The following LMNTD1 variants were observed in gnomAD, a reference collection of about 807,000 sequenced individuals.
The protein encoded by LMNTD1 is lamin tail domain containing 1.
Under a neutral mutation model 50.9 loss-of-function variants are expected in LMNTD1, and 35 were observed. The ratio of observed to expected loss-of-function variants is 0.69; its 90% CI spans 0.53 to 0.91. The LOEUF (loss-of-function observed/expected upper bound fraction) is 0.91. LMNTD1 is among the 40% of genes least tolerant of loss of function. The probability of loss-of-function intolerance (pLI) is 0.00; values close to 1 mark genes in which losing one functional copy is unlikely to be tolerated. For synonymous variants in LMNTD1, 153 were observed against 161.9 expected (o/e 0.94, Z 0.42); for missense variants, 470 against 475.5 (o/e 0.99, Z 0.11).
At chr12:25,596,405 A>G (rs1256385050) in intron 1 of LMNTD1, among the ~76,000 whole-genome samples, 4 of 152,112 alleles carry the variant, frequency 2.6e-5, no homozygotes, top group African/African-American at 7.2e-5. Flanking sequence ...TACCAGGGAT[A>G]CAGGGATGAT....
rs539030376 is a variant in LMNTD1 at position 25,483,628 on chromosome 12, C to T, written c.*23-7168G>A. On this transcript the variant is annotated intron_variant, in intron 9 of 9. Coordinates refer to ENST00000458174, the MANE Select transcript of LMNTD1 (RefSeq NM_001145728.2). ...CTCTACTAAAAATACAAAAATTAGC[C>T]GGTCATGGTGGCGCTTGCCTGTAGT... Among the ~76,000 whole-genome samples the T allele has an allele frequency of 1.6e-4, 24 of 151,580 alleles. 2 individuals are homozygous for T. The highest frequency in any genetic ancestry group is 4.4e-4 in the African/African-American group (18 of 41,120).
chr12:25,541,922 G>C (rs1332717118), intron 4 of LMNTD1, among the ~76,000 whole-genome samples: 8 of 151,912 alleles, frequency 5.3e-5, no homozygotes. Context: ...GACATGAACA[G>C]ACACTTCTCA....
intron 1 of LMNTD1, among the ~76,000 whole-genome samples, chr12:25,635,511 C>T (rs1305423986): frequency 6.6e-6 from 1 of 152,094 alleles, no homozygotes; most frequent in South Asian, 2.1e-4. Flanking sequence ...GGAAACACTC[C>T]CATGCTCATG....
chr12:25,586,557 A>G (rs537732865), intron 1 of LMNTD1, among the ~76,000 whole-genome samples: 1 of 152,148 alleles, frequency 6.6e-6, no homozygotes. Flanking sequence ...GTGCTGACCA[A>G]CGGGAGGTAG....
chr12:25,573,613 G>A (rs868536273), intron 1 of LMNTD1, among the ~76,000 whole-genome samples: 1 of 152,084 alleles, frequency 6.6e-6, no homozygotes, highest in African/African-American at 2.4e-5. Context: ...GCCCAGGTCC[G>A]TGATGCCTAT....
intron 6 of LMNTD1, 152 bp downstream of exon 6, chr12:25,525,947 C>T (rs1678545): frequency 0.68 from 308,215 of 455,396 alleles, 106,052 homozygotes; most frequent in East Asian, 0.73. Flanking sequence ...AAGAACCTGA[C>T]AATAAAATAA....
chr12:25,549,853 C>T (rs1943652785), intron 2 of LMNTD1, among the ~76,000 whole-genome samples: 1 of 152,080 alleles, frequency 6.6e-6, no homozygotes. Flanking sequence ...AGACATTTTA[C>T]CATCTCCTTC....
chr12:25,544,120 C>A (rs1423211959), intron 4 of LMNTD1, among the ~76,000 whole-genome samples: 2 of 151,820 alleles, frequency 1.3e-5, no homozygotes, highest in African/African-American at 4.8e-5. Context: ...TCTGATGTTT[C>A]TTCGTGATTT....
Position 25,487,922 on chromosome 12 carries a change from G to T in LMNTD1, c.*23-11462C>A, listed in dbSNP as rs1188034482. Among the ~76,000 whole-genome samples, 1,124 of 135,416 alleles carry T rather than the reference G, an allele frequency of 8.3e-3. 9 individuals carry two copies. Among genetic ancestry groups the T allele is most frequent in the African/African-American group, 0.029 (1,053 of 36,012 alleles). 88.8% of individuals were successfully genotyped at this position (135,416 alleles called of 152,430 possible). On this transcript the variant is annotated intron_variant, in intron 9 of 9. Coordinates refer to ENST00000458174, the MANE Select transcript of LMNTD1 (RefSeq NM_001145728.2). The stretch of plus-strand genomic sequence containing the variant: ...AGTTTGGCTGGATATGAAATTCTGG[G>T]TTGAAAATTCTTTTCTTTAAGAATG...
chr12:25,476,722 G>A (rs1186870897), intron 9 of LMNTD1, among the ~76,000 whole-genome samples: 2 of 152,120 alleles, frequency 1.3e-5, no homozygotes, highest in African/African-American at 2.4e-5. Context: ...CCCCAGTTTT[G>A]ACCTTGACTT....
At chr12:25,600,922 A>C (rs887352126) in intron 1 of LMNTD1, among the ~76,000 whole-genome samples, 2 of 152,138 alleles carry the variant, frequency 1.3e-5, no homozygotes, top group Non-Finnish European at 2.9e-5. Context: ...TAGACCTACC[A>C]TATGACCTAG....
intron 1 of LMNTD1, among the ~76,000 whole-genome samples, chr12:25,588,472 T>C (rs1945605458): frequency 6.6e-6 from 1 of 152,060 alleles, no homozygotes; most frequent in Non-Finnish European, 1.5e-5. Flanking sequence ...ATAATATTGA[T>C]GTAAAGAAGT....
chr12:25,626,589 A>C (rs985926101), intron 1 of LMNTD1, among the ~76,000 whole-genome samples: 18 of 152,332 alleles, frequency 1.2e-4, no homozygotes, highest in Admixed American at 1.2e-3. Context: ...ATTTCCTAAC[A>C]GTACTCAGTA....
At chr12:25,586,634 C>T (rs12228986) in intron 1 of LMNTD1, among the ~76,000 whole-genome samples, 11,623 of 152,108 alleles carry the variant, frequency 0.076, 807 homozygotes, top group East Asian at 0.33. Context: ...ACAGTTTGCC[C>T]TCATTTGCTT....
intron 4 of LMNTD1, among the ~76,000 whole-genome samples, chr12:25,529,353 G>C (rs1422269678): frequency 6.6e-6 from 1 of 151,994 alleles, no homozygotes; most frequent in Non-Finnish European, 1.5e-5. Flanking sequence ...CTTTTGCCTA[G>C]ACCTTCCTAC....
intron 8 of LMNTD1, among the ~76,000 whole-genome samples, chr12:25,513,622 T>A: frequency 6.6e-6 from 1 of 151,686 alleles, no homozygotes; most frequent in African/African-American, 2.4e-5. Context: ...AGTGAGAGAG[T>A]CAGACTCTGC....
chr12:25,571,117 C>T (rs927440325), intron 1 of LMNTD1, among the ~76,000 whole-genome samples: 4 of 152,156 alleles, frequency 2.6e-5, no homozygotes, highest in East Asian at 1.9e-4. Context: ...CAAGGGGTCC[C>T]GTAAATTCTA....
chr12:25,490,215 A>T (rs1473863559), intron 9 of LMNTD1, among the ~76,000 whole-genome samples: 1 of 152,252 alleles, frequency 6.6e-6, no homozygotes, highest in Non-Finnish European at 1.5e-5. Context: ...TAGCGAAGAA[A>T]CTATGGAAAA....
At chr12:25,515,224 A>T (rs1344870616) in intron 8 of LMNTD1, among the ~76,000 whole-genome samples, 1 of 151,996 alleles carries the variant, frequency 6.6e-6, no homozygotes, top group Non-Finnish European at 1.5e-5. Context: ...TAAAATATTT[A>T]AAAATTTTTT....
Sources: gnomAD v4.1 joint callset for allele counts (sites outside exome capture counted in the v4.1 genomes callset) on GRCh38, gnomAD v4.1.1 for gene constraint, MANE v1.5 for transcripts, NCBI Gene and HGNC (gene_info 2026-07-23, HGNC 2026-07-21) for gene names.